The following CERKL variants were observed in gnomAD, a reference collection of about 807,000 sequenced individuals.
The protein encoded by CERKL is ceramide kinase-like protein.
CERKL carries 61 observed loss-of-function variants against 63.4 expected under a neutral mutation model. That is an observed-to-expected ratio of 0.96 (90% CI 0.78 to 1.19). The LOEUF (loss-of-function observed/expected upper bound fraction) is 1.19, where lower values mean the gene tolerates loss of function less well. Among genes scored for constraint, CERKL ranks in the 50% most tolerant of loss-of-function variants. The probability of loss-of-function intolerance (pLI) is 0.00; values close to 1 mark genes in which losing one functional copy is unlikely to be tolerated. For missense variants in CERKL, 675 were observed against 655.5 expected (o/e 1.03, Z -0.33); for synonymous variants, 250 against 230.5 (o/e 1.08, Z -0.77).
At position 181,548,761 on chromosome 2, in the gene CERKL, A is replaced by G. The variant is rs1559072042; in HGVS notation, c.992T>C (p.Leu331Ser). The change falls in exon 7 of 13, where the codon TTG (leucine) becomes TCG (serine). Residue 331 changes from leucine to serine, a missense_variant. Leu to Ser is a moderately radical substitution (Grantham distance 145). Transcript: ENST00000410087. ...SAMFGFGGRT[L>S]ALAEKYRWMS... ...CCATCGATATTTTTCTGCCAGAGCC[A>G]AAGTTCTTCCACCAAAGCCAAACAT... The G allele has an allele frequency of 1.2e-6, 2 of 1,614,048 alleles. No homozygotes were observed. The highest frequency in any genetic ancestry group is 8.5e-7 in the Non-Finnish European group (1 of 1,179,958).
rs773805365 is a variant in CERKL at position 181,573,780 on chromosome 2, G to C, written c.586C>G (p.Leu196Val). Residue 196 changes from leucine (L) to valine (V), a missense_variant, in exon 3 of 13, where the codon CTT becomes GTT. Physicochemically the swap from Leu to Val is conservative, Grantham distance 32. Transcript: ENST00000410087. ...GTTACATCAGTTTTTATTCCTGCAA[G>C]CTTCAACAGAGGTTCAACCTTCTCA... is the stretch of plus-strand genomic sequence containing the variant. The part of the protein sequence containing the change: ...YYEKVEPLLK[L>V]AGIKTDVTIM... The C allele has an allele frequency of 1.2e-6, 2 of 1,612,306 alleles. No individual in the cohort carries two copies. The highest frequency in any genetic ancestry group is 1.3e-5 in the African/African-American group (1 of 74,870).
At chr2:181,588,416 A>C (rs1684854152) in intron 2 of CERKL, among the ~76,000 whole-genome samples, 1 of 152,166 alleles carries the variant, frequency 6.6e-6, no homozygotes, top group Non-Finnish European at 1.5e-5. Flanking sequence ...ACGTTGTGGC[A>C]AATGACAGGA....
chr2:181,569,478 A>G (rs1182742208), intron 3 of CERKL, among the ~76,000 whole-genome samples: 2 of 152,136 alleles, frequency 1.3e-5, no homozygotes, highest in East Asian at 3.9e-4. Context: ...GAGAAACACT[A>G]TGAAGAGGCT....
intron 1 of CERKL, among the ~76,000 whole-genome samples, chr2:181,637,737 C>T (rs561745144): frequency 3.9e-5 from 6 of 151,906 alleles, no homozygotes; most frequent in Non-Finnish European, 7.4e-5. Flanking sequence ...AAGTATTTCA[C>T]GTAATTATAA....
At chr2:181,592,466 T>C (rs553503251) in intron 2 of CERKL, among the ~76,000 whole-genome samples, 2 of 152,324 alleles carry the variant, frequency 1.3e-5, no homozygotes, top group South Asian at 2.1e-4. Context: ...AAATATTTTA[T>C]TGGCACCTAT....
chr2:181,541,040 C>T (rs1687482438), intron 11 of CERKL, among the ~76,000 whole-genome samples: 1 of 152,230 alleles, frequency 6.6e-6, no homozygotes, highest in Admixed American at 6.5e-5. Flanking sequence ...AGGTGCTCAA[C>T]ATCATGCCCC....
At chr2:181,579,121 C>T (rs865872592) in intron 2 of CERKL, among the ~76,000 whole-genome samples, 1 of 151,986 alleles carries the variant, frequency 6.6e-6, no homozygotes, top group Non-Finnish European at 1.5e-5. Context: ...AAATTCCTCA[C>T]GTGTAATACA....
chr2:181,603,189 A>G (rs867049250), intron 2 of CERKL: 3 of 207,326 alleles, frequency 1.4e-5, no homozygotes, highest in Middle Eastern at 5.8e-4. Context: ...ATTCAAAAAA[A>G]TCTTATTTTC....
chr2:181,653,671 T>C lies in CERKL; in HGVS notation c.238+3098A>G, dbSNP rs1574073545. Among the ~76,000 whole-genome samples, 6 of 152,282 alleles carry C rather than the reference T, an allele frequency of 3.9e-5. No individual in the cohort carries two copies. The Middle Eastern group carries it at 0.017, about 432-fold the overall frequency. On this transcript the variant is annotated intron_variant, in intron 1 of 12. Coordinates refer to ENST00000410087, the MANE Select transcript of CERKL (RefSeq NM_201548.5). ...CAGAAAGACAAATACCACATGTCAC[T>C]CACATGTAGAATCTTTTTCTATTAT...
intron 1 of CERKL, among the ~76,000 whole-genome samples, chr2:181,625,095 C>T (rs2105922655): frequency 1.3e-5 from 2 of 152,124 alleles, no homozygotes; most frequent in South Asian, 4.2e-4. Context: ...AATGAGAATA[C>T]CCAAGAATGG....
chr2:181,602,451 C>A (rs1368182885), intron 2 of CERKL, among the ~76,000 whole-genome samples: 2 of 152,156 alleles, frequency 1.3e-5, no homozygotes, highest in African/African-American at 4.8e-5. Context: ...TATTAAAGTG[C>A]TTTTATTTAA....
At chr2:181,594,749 CG>C (rs1183254212) in intron 2 of CERKL, among the ~76,000 whole-genome samples, 1 of 151,926 alleles carries the variant, frequency 6.6e-6, no homozygotes, top group Non-Finnish European at 1.5e-5. Flanking sequence ...TAAAGATGAT[CG>C]ACAAGGAGAA....
chr2:181,544,849 C>G, intron 10 of CERKL, 53 bp from the exon 11 acceptor site: 1 of 1,069,710 alleles, frequency 9.3e-7, no homozygotes, highest in South Asian at 1.4e-5. Context: ...GAGATTATAC[C>G]AAAAATTATG....
chr2:181,563,875 C>A (rs370624364), intron 4 of CERKL, among the ~76,000 whole-genome samples: 44 of 152,260 alleles, frequency 2.9e-4, no homozygotes, highest in African/African-American at 1.0e-3. Context: ...TCAGCTTCTA[C>A]TGGGAAAACT....
Position 181,656,777 on chromosome 2 carries a change from C to T in CERKL, c.230G>A (p.Arg77His), listed in dbSNP as rs763986449. 5 of 1,593,322 alleles carry T rather than the reference C, an allele frequency of 3.1e-6. No homozygotes were observed. In the South Asian group the frequency reaches 5.6e-5, roughly 18 times the overall value. Residue 77 changes from arginine (R) to histidine (H), a missense_variant, in exon 1 of 13, where the codon CGC becomes CAC. Coordinates refer to ENST00000410087, the MANE Select transcript of CERKL (RefSeq NM_201548.5). ...ALRWRPIQPE[R>H]PAGDSKYDLL... Reference sequence around the variant, plus strand: ...TGGGGCCGGGCACTCACCCGCCGGGCGCTCGGGCTGAATGGGCCGCCACCG... The same window carrying T: ...TGGGGCCGGGCACTCACCCGCCGGGTGCTCGGGCTGAATGGGCCGCCACCG...
intron 1 of CERKL, among the ~76,000 whole-genome samples, chr2:181,646,718 G>A (rs1356096853): frequency 6.6e-6 from 1 of 152,152 alleles, no homozygotes; most frequent in East Asian, 1.9e-4. Context: ...AACCAAGAGA[G>A]TTAAGTCAAA....
At chr2:181,618,330 T>A (rs1182062403) in intron 1 of CERKL, among the ~76,000 whole-genome samples, 1 of 152,142 alleles carries the variant, frequency 6.6e-6, no homozygotes, top group Non-Finnish European at 1.5e-5. Context: ...TGGTACTGCT[T>A]TTTTGATTGT....
intron 4 of CERKL, among the ~76,000 whole-genome samples, chr2:181,559,709 A>C (rs1688357552): frequency 6.6e-6 from 1 of 152,182 alleles, no homozygotes; most frequent in Non-Finnish European, 1.5e-5. Flanking sequence ...ATTTCAAACA[A>C]AACTGTCTAT....
chr2:181,598,881 A>AG (rs1327499550), intron 2 of CERKL, among the ~76,000 whole-genome samples: 1 of 152,126 alleles, frequency 6.6e-6, no homozygotes, highest in Non-Finnish European at 1.5e-5. Flanking sequence ...GGAAAAAAAA[A>AG]AAAAGTTTAA....
Sources: gnomAD v4.1 joint callset for allele counts (sites outside exome capture counted in the v4.1 genomes callset) on GRCh38, gnomAD v4.1.1 for gene constraint, MANE v1.5 for transcripts, NCBI Gene and HGNC (gene_info 2026-07-23, HGNC 2026-07-21) for gene names.